The following ZNF462 variants were observed in gnomAD, a reference collection of about 807,000 sequenced individuals.
ZNF462 encodes the protein zinc finger PBX1-interacting protein.
ZNF462 carries 10 observed loss-of-function variants against 201.9 expected under a neutral mutation model. That is an observed-to-expected ratio of 0.05 (90% CI 0.03 to 0.08). ZNF462 has a LOEUF of 0.08. ZNF462 is among the 10% of genes least tolerant of loss of function. The probability of loss-of-function intolerance (pLI) is 1.00; values close to 1 mark genes in which losing one functional copy is unlikely to be tolerated. For synonymous variants in ZNF462, 1,227 were observed against 1,193.3 expected, an observed-to-expected ratio of 1.03 and a Z score of -0.58; for missense variants, 2,523 against 3,168.3, an observed-to-expected ratio of 0.80 and a Z score of 4.89.
chr9:106,991,583 C>T (rs564449467), intron 10 of ZNF462, among the ~76,000 whole-genome samples: 26 of 151,846 alleles, frequency 1.7e-4, no homozygotes, highest in African/African-American at 6.3e-4. Context: ...TATAGAATAT[C>T]CTAGTGTGGA....
chr9:106,997,500 G>A (rs1258672660), intron 10 of ZNF462, among the ~76,000 whole-genome samples: 1 of 152,162 alleles, frequency 6.6e-6, no homozygotes, highest in African/African-American at 2.4e-5. Context: ...TTCAGCCATG[G>A]AAAACAGACA....
chr9:106,882,724 G>T (rs1297452536), intron 1 of ZNF462, among the ~76,000 whole-genome samples: 1 of 152,154 alleles, frequency 6.6e-6, no homozygotes, highest in Non-Finnish European at 1.5e-5. Context: ...CGAATATTCA[G>T]TGATTCAAGG....
chr9:106,951,516 T>G (rs1175214982), intron 7 of ZNF462, among the ~76,000 whole-genome samples: 1 of 152,178 alleles, frequency 6.6e-6, no homozygotes, highest in East Asian at 1.9e-4. Flanking sequence ...CGTTGGTGGT[T>G]GTTTTTATAT....
In ZNF462 at chr9:107,006,091, G is replaced by A. The variant is rs1168194303; in HGVS notation, c.7189+2665G>A. 5.9e-5 allele frequency among the ~76,000 whole-genome samples: 9 copies of A among 152,130 alleles called. No homozygotes were observed. Among genetic ancestry groups the A allele is most frequent in the African/African-American group, 1.9e-4 (8 of 41,430 alleles). On this transcript the variant is annotated intron_variant, in intron 11 of 12. Transcript: ENST00000277225. This position sits in a 1 kb window ranked among gnomAD's most constrained non-coding sequence, Gnocchi z 4.3. ...ATGCTGTTTTGATTACTATAGTTTTGTAGTCAACTTTGAAGTCGGGTAGGG... is the reference window on the plus strand; with the variant it reads ...ATGCTGTTTTGATTACTATAGTTTTATAGTCAACTTTGAAGTCGGGTAGGG...
intron 7 of ZNF462, among the ~76,000 whole-genome samples, chr9:106,957,113 C>G (rs1444866787): frequency 6.6e-6 from 1 of 152,130 alleles, no homozygotes; most frequent in Non-Finnish European, 1.5e-5. Context: ...TTTCAGCATG[C>G]CTTCCTCACT....
upstream of ZNF462, among the ~76,000 whole-genome samples, chr9:106,862,078 C>A (rs1021205400): frequency 2.0e-5 from 3 of 152,130 alleles, no homozygotes. This position sits in a 1 kb window ranked among gnomAD's most constrained non-coding sequence, Gnocchi z 4.2. Flanking sequence ...CCTCCACCCC[C>A]CCACCTTCCA....
At chr9:106,953,350 A>G (rs201993090) in intron 7 of ZNF462, among the ~76,000 whole-genome samples, 2 of 152,148 alleles carry the variant, frequency 1.3e-5, no homozygotes, top group African/African-American at 4.8e-5. Flanking sequence ...AATTCCTTGC[A>G]GCATGACCTT....
Position 106,924,108 on chromosome 9 carries a change from C to T in ZNF462, c.221-25C>T, listed in dbSNP as rs2131438238. 1 of 1,547,336 alleles carries T rather than the reference C, an allele frequency of 6.5e-7. No individual in the cohort carries two copies. Among genetic ancestry groups the T allele is most frequent in the Non-Finnish European group, 8.7e-7 (1 of 1,144,386 alleles). ...ATATTTTAATTATCTTTTGCTTTGT[C>T]ACTTTCCTTATGCTTTTTCTTTAGG... is the stretch of plus-strand genomic sequence containing the variant. On this transcript the variant is annotated intron_variant, in intron 2 of 12. Transcript: ENST00000277225. This position sits in a 1 kb window ranked among gnomAD's most constrained non-coding sequence, Gnocchi z 6.2.
At chr9:106,952,774 T>C (rs1229042708) in intron 7 of ZNF462, among the ~76,000 whole-genome samples, 2 of 152,182 alleles carry the variant, frequency 1.3e-5, no homozygotes, top group African/African-American at 4.8e-5. Context: ...TTTGTAAACA[T>C]TGTTTCATTT....
intron 1 of ZNF462, among the ~76,000 whole-genome samples, chr9:106,893,116 A>G (rs1808439726): frequency 6.6e-6 from 1 of 152,222 alleles, no homozygotes; most frequent in Non-Finnish European, 1.5e-5. Flanking sequence ...AAATCAGACC[A>G]TGGCTTTCAG....
chr9:106,992,077 T>C lies in ZNF462; in HGVS notation c.7056+7668T>C, dbSNP rs149717118. ...GCAAGCAACAGACTAGAAGCAAATA[T>C]TTGCAAAGTAATTATCTAACAAAGG... On this transcript the variant is annotated intron_variant, in intron 10 of 12. Transcript: ENST00000277225. 3.0e-3 allele frequency among the ~76,000 whole-genome samples: 452 copies of C among 151,922 alleles called. 4 individuals are homozygous for C. Among genetic ancestry groups the C allele is most frequent in the African/African-American group, 0.011 (441 of 41,464 alleles).
rs1378282020 is a variant in ZNF462, at chr9:106,939,042, TCTC to T, written c.6366_6368del (p.Ser2123del). 1.2e-6 allele frequency: 2 copies of T among 1,613,672 alleles called. No homozygotes were observed. The highest frequency in any genetic ancestry group is 1.7e-6 in the Non-Finnish European group (2 of 1,179,900). On this transcript the variant is annotated inframe_deletion, in exon 7 of 13. Transcript: ENST00000277225. ...CCCAGGCCACGGATCGTCAGTCTCCTCTCCTCACACTCCCACCACTCCTCCCAA... is the reference window on the plus strand; with the variant it reads ...CCCAGGCCACGGATCGTCAGTCTCCTCTCACACTCCCACCACTCCTCCCAA...
chr9:106,902,453 T>TTC lies in ZNF462; in HGVS notation c.-30-20887_-30-20886dup, dbSNP rs138817871. On this transcript the variant is annotated intron_variant, in intron 1 of 12. Coordinates refer to ENST00000277225, the MANE Select transcript of ZNF462 (RefSeq NM_021224.6). The surrounding 1 kb of genome is among the most constrained non-coding windows in gnomAD (Gnocchi z 4.2). The stretch of plus-strand genomic sequence containing the variant: ...GATTCATAGAATGAATTAGGGAGGG[T>TTC]TCTCTCTCTCTCTCTGTCTTGTGGA... Among the ~76,000 whole-genome samples the TTC allele has an allele frequency of 6.0e-5, 9 of 150,728 alleles. No homozygotes were observed. The highest frequency in any genetic ancestry group is 8.9e-5 in the Non-Finnish European group (6 of 67,460).
chr9:106,994,364 C>G (rs1170769327), intron 10 of ZNF462, among the ~76,000 whole-genome samples: 1 of 151,762 alleles, frequency 6.6e-6, no homozygotes, highest in Non-Finnish European at 1.5e-5. Flanking sequence ...TCCACAGTGG[C>G]CAAAAAAGTC....
intron 1 of ZNF462, among the ~76,000 whole-genome samples, chr9:106,863,863 A>G (rs905245942): frequency 3.3e-5 from 5 of 151,458 alleles, no homozygotes; most frequent in Non-Finnish European, 5.9e-5. Flanking sequence ...GCCGAGAGCC[A>G]GAGGGAGCGA....
Position 106,924,577 on chromosome 9 carries a change from A to G in ZNF462, c.665A>G (p.Glu222Gly). ...GACCCCTGCAAGGAACTGCCAGCAGAGGTTGTGGAGCGCAGCATCTTAGAG... is the reference window on the plus strand; with the variant it reads ...GACCCCTGCAAGGAACTGCCAGCAGGGGTTGTGGAGCGCAGCATCTTAGAG... Reference protein sequence around the residue: ...LQDPCKELPAEVVERSILESM... With the variant: ...LQDPCKELPAGVVERSILESM... The change falls in exon 3 of 13, where the codon GAG (glutamate) becomes GGG (glycine). Residue 222 changes from glutamate (E) to glycine (G), a missense_variant. Transcript: ENST00000277225. This position sits in a 1 kb window ranked among gnomAD's most constrained non-coding sequence, Gnocchi z 6.2. 1 of 1,614,162 alleles carries G rather than the reference A, an allele frequency of 6.2e-7. No individual in the cohort carries two copies. The highest frequency in any genetic ancestry group is 8.5e-7 in the Non-Finnish European group (1 of 1,180,028).
At chr9:106,871,478 T>C (rs1195047360) in intron 1 of ZNF462, among the ~76,000 whole-genome samples, 1 of 152,172 alleles carries the variant, frequency 6.6e-6, no homozygotes, top group Non-Finnish European at 1.5e-5. Flanking sequence ...ACTAGCCAAA[T>C]TGAAGAAGTC....
chr9:106,921,908 T>C (rs988659373), intron 1 of ZNF462, among the ~76,000 whole-genome samples: 5 of 152,210 alleles, frequency 3.3e-5, no homozygotes, highest in Admixed American at 1.3e-4. Context: ...GTTCAATGTT[T>C]ATTGAAAAAG....
At position 106,924,712 on chromosome 9, in the gene ZNF462, G is replaced by T. The variant is rs778140416; in HGVS notation, c.800G>T (p.Arg267Leu). 4.5e-5 allele frequency: 72 copies of T among 1,613,890 alleles called. No individual in the cohort carries two copies. Among genetic ancestry groups the T allele is most frequent in the Non-Finnish European group, 5.5e-5 (65 of 1,179,998 alleles). ...TGTGACCACATGATGAAGAAACACC[G>T]CAGTATGGTCAAGATCCTTTCCAGT... ...RWCDHMMKKHRSMVKILSSLR... is the reference protein window; with the variant it reads ...RWCDHMMKKHLSMVKILSSLR... Residue 267 changes from arginine (R) to leucine (L), a missense_variant, in exon 3 of 13, where the codon CGC (arginine) becomes CTC (leucine). This residue lies in a region of ZNF462 where 480 missense variants were observed against 544.4 expected (regional missense o/e 0.88). Transcript: ENST00000277225. This position sits in a 1 kb window ranked among gnomAD's most constrained non-coding sequence, Gnocchi z 6.2.
Sources: gnomAD v4.1 joint callset for allele counts (sites outside exome capture counted in the v4.1 genomes callset) on GRCh38, gnomAD v4.1.1 for gene constraint, gnomAD v4.1.1 regional missense constraint, Gnocchi (gnomAD v3.1) non-coding constraint, MANE v1.5 for transcripts, NCBI Gene and HGNC (gene_info 2026-07-23, HGNC 2026-07-21) for gene names.